EYS: variants seen among roughly 807,000 people sequenced by gnomAD.
EYS encodes EGF-like photoreceptor maintenance factor.
A neutral mutation model predicts 282.1 loss-of-function variants in EYS; 250 were observed. The ratio of observed to expected loss-of-function variants is 0.89; its 90% confidence interval spans 0.80 to 0.98. The LOEUF is 0.98. Ranked by LOEUF, EYS falls within the 50% of genes least tolerant of loss-of-function variation. The probability of loss-of-function intolerance (pLI) is 0.00; values close to 1 mark genes in which losing one functional copy is unlikely to be tolerated. For missense variants in EYS, 4,016 were observed against 3,709.0 expected, an observed-to-expected ratio of 1.08 and a Z score of -2.15; for synonymous variants, 1,355 against 1,282.9, an observed-to-expected ratio of 1.06 and a Z score of -1.20.
intron 18 of EYS, among the ~76,000 whole-genome samples, chr6:64,887,274 C>T (rs529440555): frequency 3.6e-4 from 36 of 99,570 alleles, no homozygotes; most frequent in African/African-American, 1.5e-3. Flanking sequence ...ACACCGGGGA[C>T]TGTTGTGGGG....
chr6:64,338,377 C>G (rs1025647372), intron 29 of EYS, among the ~76,000 whole-genome samples: 3 of 151,208 alleles, frequency 2.0e-5, no homozygotes, highest in African/African-American at 7.3e-5. Flanking sequence ...ACCCCTTTTA[C>G]AACAGCTGCA....
intron 12 of EYS, among the ~76,000 whole-genome samples, chr6:65,069,759 TC>T (rs1773852887): frequency 6.6e-6 from 1 of 151,996 alleles, no homozygotes; most frequent in Non-Finnish European, 1.5e-5. Flanking sequence ...CAAGTTTACA[TC>T]CTTAGCTCAG....
rs558770586 is a variant in EYS, at chr6:65,590,223, C to T, written c.-333+49555G>A. On this transcript the variant is annotated intron_variant, in intron 2 of 42. Transcript: ENST00000503581. ...CATGGAACCTTCTAGTTCTTTCTTCCACTACCACAGTACCCAATGAAGCAA... is the reference window on the plus strand; with the variant it reads ...CATGGAACCTTCTAGTTCTTTCTTCTACTACCACAGTACCCAATGAAGCAA... 2.2e-4 allele frequency among the ~76,000 whole-genome samples: 34 copies of T among 152,136 alleles called. 1 individual carries two copies. The highest frequency in any genetic ancestry group is 3.4e-3 in the Middle Eastern group (1 of 294).
chr6:65,317,821 C>CCTTCCTTCCTTT (rs1769340973), intron 11 of EYS, among the ~76,000 whole-genome samples: 1 of 51,534 alleles, frequency 1.9e-5, no homozygotes, highest in African/African-American at 9.1e-5. Context: ...TTCCTTCCTT[C>CCTTCCTTCCTTT]CTTCCTTTCT....
At chr6:64,516,521 A>T (rs1777564338) in intron 26 of EYS, among the ~76,000 whole-genome samples, 3 of 151,838 alleles carry the variant, frequency 2.0e-5, no homozygotes, top group African/African-American at 7.2e-5. Context: ...CTACCTACAA[A>T]CAGAACTGTG....
chr6:63,860,481 A>G (rs1417930576), intron 36 of EYS, among the ~76,000 whole-genome samples: 1 of 152,140 alleles, frequency 6.6e-6, no homozygotes, highest in African/African-American at 2.4e-5. Flanking sequence ...CCATGAGACA[A>G]TGGTCAAACA....
intron 31 of EYS, among the ~76,000 whole-genome samples, chr6:64,118,781 T>C (rs1340032584): frequency 6.6e-6 from 1 of 152,022 alleles, no homozygotes; most frequent in Non-Finnish European, 1.5e-5. Flanking sequence ...TTGCAAGTTA[T>C]TTATCTGACA....
intron 22 of EYS, among the ~76,000 whole-genome samples, chr6:64,712,015 C>T (rs76675661): frequency 5.3e-5 from 8 of 152,098 alleles, no homozygotes; most frequent in African/African-American, 9.7e-5. Flanking sequence ...GAAAGTGCAC[C>T]GAACCCAGAG....
At position 64,412,065 on chromosome 6, in the gene EYS, C is replaced by T. The variant is rs1020445112; in HGVS notation, c.5928-23225G>A. On this transcript the variant is annotated intron_variant, in intron 28 of 42. Coordinates refer to ENST00000503581, the MANE Select transcript of EYS (RefSeq NM_001142800.2). The stretch of plus-strand genomic sequence containing the variant: ...CCAAATATAGCCTAGAAATTTAATA[C>T]TTCATTACTAGATTATGAAATAAAC... 2.8e-5 allele frequency among the ~76,000 whole-genome samples: 4 copies of T among 142,388 alleles called. No individual in the cohort carries two copies. In the South Asian group the frequency reaches 8.9e-4, roughly 32 times the overall value. The allele number at this position is 142,388 out of a possible 152,430, so 93.4% of individuals were successfully genotyped here. A position where few individuals can be genotyped will look rare whatever the true frequency, so the allele number is the denominator to read the frequency against.
intron 22 of EYS, among the ~76,000 whole-genome samples, chr6:64,788,874 A>G (rs1774098945): frequency 6.6e-6 from 1 of 152,038 alleles, no homozygotes; most frequent in Non-Finnish European, 1.5e-5. Flanking sequence ...AAATATTTTA[A>G]TAGTTATTTT....
intron 22 of EYS, among the ~76,000 whole-genome samples, chr6:64,758,419 C>A (rs981282302): frequency 6.6e-6 from 1 of 152,186 alleles, no homozygotes. Flanking sequence ...CTTGGATAGC[C>A]TGGAACTTGG....
At chr6:64,344,407 G>A (rs1425242234) in intron 29 of EYS, among the ~76,000 whole-genome samples, 6 of 151,880 alleles carry the variant, frequency 4.0e-5, no homozygotes, top group African/African-American at 2.4e-5. Flanking sequence ...TTCAACATAC[G>A]AAAATCAATA....
intron 35 of EYS, among the ~76,000 whole-genome samples, chr6:63,881,924 G>A (rs558804152): frequency 2.0e-5 from 3 of 152,284 alleles, no homozygotes; most frequent in East Asian, 3.9e-4. Context: ...TTATCCTTGA[G>A]ACTTAGACAA....
At chr6:65,601,069 C>T (rs901726368) in intron 2 of EYS, among the ~76,000 whole-genome samples, 2 of 151,606 alleles carry the variant, frequency 1.3e-5, no homozygotes, top group Non-Finnish European at 2.9e-5. Flanking sequence ...ATTATGAATA[C>T]TAAAGTTAAG....
intron 12 of EYS, among the ~76,000 whole-genome samples, chr6:65,256,460 C>T (rs916126958): frequency 2.2e-5 from 3 of 133,378 alleles, no homozygotes; most frequent in African/African-American, 8.9e-5. Context: ...TGATATTCCC[C>T]TTCCTGTGTC....
rs1453472486 is a variant in EYS at position 64,911,128 on chromosome 6, T to C, written c.2641+1356A>G. On this transcript the variant is annotated intron_variant, in intron 16 of 42. Transcript: ENST00000503581. ...AGTAAATAAATTAGCTTCACTGATA[T>C]TGAATAATTTTCAACAAGTTTCACT... Among the ~76,000 whole-genome samples, 6 of 152,114 alleles carry C rather than the reference T, an allele frequency of 3.9e-5. 1 individual carries two copies. Among genetic ancestry groups the C allele is most frequent in the Non-Finnish European group, 5.9e-5 (4 of 67,962 alleles).
chr6:64,898,524 C>A (rs1207874352), intron 18 of EYS, among the ~76,000 whole-genome samples: 2 of 151,964 alleles, frequency 1.3e-5, no homozygotes, highest in African/African-American at 4.8e-5. Flanking sequence ...ACCATTGACA[C>A]TACGAAGAAA....
chr6:63,877,639 C>T (rs321489), intron 35 of EYS, among the ~76,000 whole-genome samples: 151,376 of 152,300 alleles, frequency 0.99, 75,236 homozygotes, highest in Middle Eastern at 1. Flanking sequence ...TTTTACATAG[C>T]CCCATATTTC....
At chr6:64,940,185 TC>T (rs1769042785) in intron 15 of EYS, among the ~76,000 whole-genome samples, 2 of 152,036 alleles carry the variant, frequency 1.3e-5, no homozygotes, top group South Asian at 4.1e-4. Flanking sequence ...GTAAGTCCTT[TC>T]TAACATCCTT....
Sources: allele counts gnomAD v4.1 joint callset (sites outside exome capture counted in the v4.1 genomes callset), GRCh38; gene constraint gnomAD v4.1.1; transcripts MANE v1.5; gene names NCBI Gene and HGNC (gene_info 2026-07-23, HGNC 2026-07-21).